The following PTPRD variants were observed in gnomAD, a reference collection of about 807,000 sequenced individuals.
PTPRD encodes receptor-type tyrosine-protein phosphatase delta.
A neutral mutation model predicts 214.5 loss-of-function variants in PTPRD; 34 were observed. The observed-to-expected ratio is 0.16, with a 90% CI of 0.12 to 0.21. PTPRD has a LOEUF of 0.21. Among genes scored for constraint, PTPRD ranks in the 10% least tolerant of loss-of-function variants. The pLI is 1.00. For synonymous variants in PTPRD, 1,128 were observed against 845.7 expected (o/e 1.33, Z -5.79); for missense variants, 2,545 against 2,398.7 (o/e 1.06, Z -1.27).
chr9:9,399,252 T>C (rs998048857), intron 8 of PTPRD, among the ~76,000 whole-genome samples: 5 of 152,008 alleles, frequency 3.3e-5, no homozygotes, highest in Admixed American at 1.3e-4. Flanking sequence ...AGCACTGGTT[T>C]CTTAATTTGG....
intron 2 of PTPRD, among the ~76,000 whole-genome samples, chr9:10,395,787 A>G (rs1375457101): frequency 6.6e-6 from 1 of 151,974 alleles, no homozygotes; most frequent in Non-Finnish European, 1.5e-5. Context: ...ATGAAGTGTA[A>G]TAATCACAAG....
chr9:8,786,231 T>C (rs2095958432), intron 11 of PTPRD, among the ~76,000 whole-genome samples: 1 of 152,166 alleles, frequency 6.6e-6, no homozygotes, highest in South Asian at 2.1e-4. Context: ...GTGTTAACTA[T>C]GAGTTTCATT....
chr9:9,804,280 G>C (rs977919281), intron 5 of PTPRD, among the ~76,000 whole-genome samples: 1 of 152,026 alleles, frequency 6.6e-6, no homozygotes, highest in African/African-American at 2.4e-5. Context: ...TCATAAAATA[G>C]CAGTACACTG....
intron 8 of PTPRD, among the ~76,000 whole-genome samples, chr9:9,536,172 C>G (rs2076480130): frequency 2.0e-5 from 3 of 152,012 alleles, no homozygotes; most frequent in Non-Finnish European, 4.4e-5. Flanking sequence ...TACTATTTCA[C>G]TTGCTGCATT....
At chr9:9,097,732 T>A (rs192945737) in intron 10 of PTPRD, among the ~76,000 whole-genome samples, 1 of 152,272 alleles carries the variant, frequency 6.6e-6, no homozygotes, top group African/African-American at 2.4e-5. Context: ...AAGGAAATTG[T>A]TGGGAGACAA....
intron 11 of PTPRD, among the ~76,000 whole-genome samples, chr9:8,895,745 C>T (rs991913572): frequency 2.0e-5 from 3 of 152,204 alleles, no homozygotes; most frequent in African/African-American, 7.2e-5. Flanking sequence ...ATGTGAGACA[C>T]TCCTCCAGAC....
At position 9,968,608 on chromosome 9, in the gene PTPRD, G is replaced by C. The variant is rs374768949; in HGVS notation, c.-471-29998C>G. ...GTCTTTGCCTAATGTGGTGTGTTTT[G>C]AGAATGGAAGGGAAGGGTAGGCTTC... On this transcript the variant is annotated intron_variant, in intron 4 of 45. Coordinates refer to ENST00000381196, the MANE Select transcript of PTPRD (RefSeq NM_002839.4). Among the ~76,000 whole-genome samples, 7 of 152,210 alleles carry C rather than the reference G, an allele frequency of 4.6e-5. No homozygotes were observed. The East Asian group carries it at 1.2e-3, about 25-fold the overall frequency.
intron 12 of PTPRD, among the ~76,000 whole-genome samples, chr9:8,715,731 C>T (rs1211565853): frequency 6.6e-6 from 1 of 152,228 alleles, no homozygotes; most frequent in East Asian, 1.9e-4. Context: ...TAATTAGTGT[C>T]ACCTCAATAA....
chr9:8,732,431 A>C (rs1240639447), intron 12 of PTPRD, among the ~76,000 whole-genome samples: 1 of 152,242 alleles, frequency 6.6e-6, no homozygotes, highest in East Asian at 1.9e-4. Context: ...AAAAATAATA[A>C]AACCATAGTC....
At position 8,619,958 on chromosome 9, in the gene PTPRD, C is replaced by G. The variant is rs568950194; in HGVS notation, c.352+13359G>C. On this transcript the variant is annotated intron_variant, in intron 14 of 45. Coordinates refer to ENST00000381196, the MANE Select transcript of PTPRD (RefSeq NM_002839.4). Reference sequence around the variant, plus strand: ...CACCACATTTACCAGCATGTTTGGTCAAGCCACCTCTGAATCTCAGCTGCT... The same window carrying G: ...CACCACATTTACCAGCATGTTTGGTGAAGCCACCTCTGAATCTCAGCTGCT... Among the ~76,000 whole-genome samples the G allele has an allele frequency of 2.6e-5, 4 of 152,110 alleles. No individual in the cohort carries two copies. The South Asian group carries it at 8.3e-4, about 32-fold the overall frequency.
rs2138483362 is a variant in PTPRD, at chr9:8,517,976, G to A, written c.1415C>T (p.Ala472Val). 1 of 1,614,166 alleles carries A rather than the reference G, an allele frequency of 6.2e-7. No homozygotes were observed. The highest frequency in any genetic ancestry group is 1.1e-5 in the South Asian group (1 of 91,086). ...GCCAATAGTAGTGATTTGGCTGTCA[G>A]CTACATTGTGTTTCATCCAGTTGTT... is the stretch of plus-strand genomic sequence containing the variant. ...HVNNWMKHNV[A>V]DSQITTIGNL... The change falls in exon 21 of 46, where the codon GCT (alanine) becomes GTT (valine). Residue 472 changes from alanine to valine, a missense_variant. By Grantham distance (64) the Ala-to-Val change is moderately conservative (BLOSUM62 0). Coordinates refer to ENST00000381196, the MANE Select transcript of PTPRD (RefSeq NM_002839.4).
chr9:10,366,212 C>G (rs945022734), intron 2 of PTPRD, among the ~76,000 whole-genome samples: 1 of 152,180 alleles, frequency 6.6e-6, no homozygotes, highest in Admixed American at 6.5e-5. Flanking sequence ...TCTGTAAATA[C>G]AGGTGGTTCC....
intron 7 of PTPRD, among the ~76,000 whole-genome samples, chr9:9,663,975 T>C (rs185129252): frequency 2.0e-5 from 3 of 151,192 alleles, no homozygotes; most frequent in East Asian, 3.9e-4. Context: ...ATATAACATA[T>C]TACAATGAAG....
intron 9 of PTPRD, among the ~76,000 whole-genome samples, chr9:9,272,073 T>G (rs931305323): frequency 2.8e-4 from 43 of 150,956 alleles, no homozygotes; most frequent in Admixed American, 1.1e-3. Flanking sequence ...TGACAGCAAT[T>G]CCCCCCACCC....
chr9:8,899,523 A>G (rs1034707389), intron 11 of PTPRD, among the ~76,000 whole-genome samples: 11 of 152,028 alleles, frequency 7.2e-5, no homozygotes, highest in Admixed American at 2.0e-4. Context: ...CAAAGCAGAA[A>G]TTTTCTGGAA....
chr9:10,465,262 G>T lies in PTPRD; in HGVS notation c.-599-124245C>A, dbSNP rs559333243. ...GCTTATAACAACAGCATATGTACAT[G>T]ACATGTAAAACCTTTGCCACCTGCC... is the stretch of plus-strand genomic sequence containing the variant. On this transcript the variant is annotated intron_variant, in intron 2 of 45. Coordinates refer to ENST00000381196, the MANE Select transcript of PTPRD (RefSeq NM_002839.4). Among the ~76,000 whole-genome samples, 8 of 152,262 alleles carry T rather than the reference G, an allele frequency of 5.3e-5. No individual in the cohort carries two copies. In the South Asian group the frequency reaches 1.7e-3, roughly 32 times the overall value.
intron 2 of PTPRD, among the ~76,000 whole-genome samples, chr9:10,475,115 G>C (rs1217081021): frequency 1.3e-5 from 2 of 152,034 alleles, no homozygotes; most frequent in African/African-American, 4.8e-5. Context: ...GCTAGCAGAA[G>C]ACAAGAAATA....
intron 9 of PTPRD, among the ~76,000 whole-genome samples, chr9:9,257,840 C>G (rs962932891): frequency 2.0e-5 from 3 of 151,866 alleles, no homozygotes; most frequent in African/African-American, 4.8e-5. Context: ...TGCAAACTAG[C>G]AGGGACATTA....
At chr9:9,428,342 A>C (rs553122946) in intron 8 of PTPRD, among the ~76,000 whole-genome samples, 1 of 152,344 alleles carries the variant, frequency 6.6e-6, no homozygotes, top group South Asian at 2.1e-4. Flanking sequence ...TAAAGGGATC[A>C]ATTCAACAAG....
Sources: allele counts gnomAD v4.1 joint callset (sites outside exome capture counted in the v4.1 genomes callset), GRCh38; gene constraint gnomAD v4.1.1; transcripts MANE v1.5; gene names NCBI Gene and HGNC (gene_info 2026-07-23, HGNC 2026-07-21).